Variants in UNC13C observed in about 807,000 individuals in gnomAD.
UNC13C encodes unc-13 homolog C.
In UNC13C, 174 loss-of-function variants were observed where a neutral mutation model predicts 245.4. That is an observed-to-expected ratio of 0.71 (90% CI 0.63 to 0.80). The LOEUF (loss-of-function observed/expected upper bound fraction) is 0.80, where lower values mean the gene tolerates loss of function less well. Among genes scored for constraint, UNC13C ranks in the 30% least tolerant of loss-of-function variants. The probability of loss-of-function intolerance (pLI) is 0.00; values close to 1 mark genes in which losing one functional copy is unlikely to be tolerated. For synonymous variants in UNC13C, 992 were observed against 895.1 expected (o/e 1.11, Z -1.93); for missense variants, 2,829 against 2,602.9 (o/e 1.09, Z -1.89).
chr15:54,266,680 C>T (rs1357297805), intron 10 of UNC13C, among the ~76,000 whole-genome samples: 1 of 151,952 alleles, frequency 6.6e-6, no homozygotes, highest in East Asian at 1.9e-4. Context: ...AAAATCTACA[C>T]ATTTAAAGTG....
At chr15:54,450,118 C>T (rs1891085943) in intron 19 of UNC13C, among the ~76,000 whole-genome samples, 2 of 152,132 alleles carry the variant, frequency 1.3e-5, no homozygotes, top group Admixed American at 6.5e-5. Flanking sequence ...GCTACCTGAT[C>T]GTTCCTCTGG....
chr15:54,289,039 T>C (rs2037223362), intron 10 of UNC13C, among the ~76,000 whole-genome samples: 1 of 152,150 alleles, frequency 6.6e-6, no homozygotes, highest in African/African-American at 2.4e-5. Context: ...ATTTTATCTA[T>C]TTCTGAAGTT....
intron 19 of UNC13C, among the ~76,000 whole-genome samples, chr15:54,481,995 C>CAG (rs1310897271): frequency 5.9e-5 from 9 of 152,176 alleles, no homozygotes; most frequent in African/African-American, 2.2e-4. Flanking sequence ...CTGTGAGGGG[C>CAG]AGGGTTGCTC....
chr15:54,164,670 A>T (rs116199419), intron 4 of UNC13C, among the ~76,000 whole-genome samples: 3,197 of 152,282 alleles, frequency 0.021, 101 homozygotes, highest in African/African-American at 0.074. Context: ...TCACTAAACA[A>T]TTATGGAATG....
chr15:54,348,507 A>G (rs895134480), intron 17 of UNC13C, among the ~76,000 whole-genome samples: 4 of 152,176 alleles, frequency 2.6e-5, no homozygotes, highest in African/African-American at 9.6e-5. Context: ...ATCAAAAAAC[A>G]TCTCTTTGTA....
intron 10 of UNC13C, among the ~76,000 whole-genome samples, chr15:54,292,555 A>T (rs920943260): frequency 1.3e-5 from 2 of 151,956 alleles, no homozygotes; most frequent in African/African-American, 2.4e-5. Flanking sequence ...TTAATGAAAG[A>T]GACATTATAC....
chr15:53,875,478 C>G, the UNC13C span, among the ~76,000 whole-genome samples: 25 of 152,060 alleles, frequency 1.6e-4, no homozygotes, highest in African/African-American at 5.6e-4. Flanking sequence ...AGGACAATAG[C>G]AGGAGGTTGC....
chr15:54,605,303 G>A lies in UNC13C; in HGVS notation c.6107-17024G>A, dbSNP rs116624702. 9.6e-3 allele frequency among the ~76,000 whole-genome samples: 1,462 copies of A among 152,248 alleles called. 24 individuals carry two copies. The highest frequency in any genetic ancestry group is 0.034 in the African/African-American group (1,421 of 41,546). ...GTAGAATCACTGAAACTGCTTTTAAGCTTAGCACTCTGAGCCAATCCCCAG... is the reference window on the plus strand; with the variant it reads ...GTAGAATCACTGAAACTGCTTTTAAACTTAGCACTCTGAGCCAATCCCCAG... On this transcript the variant is annotated intron_variant, in intron 30 of 32. Coordinates refer to ENST00000260323, the MANE Select transcript of UNC13C (RefSeq NM_001080534.3).
chr15:54,474,452 A>G (rs1430207615), intron 19 of UNC13C, among the ~76,000 whole-genome samples: 1 of 146,406 alleles, frequency 6.8e-6, no homozygotes, highest in Non-Finnish European at 1.5e-5. Flanking sequence ...TTCATATACC[A>G]GTTGGACATT....
At chr15:54,156,583 G>T (rs1368537828) in intron 4 of UNC13C, among the ~76,000 whole-genome samples, 3 of 152,050 alleles carry the variant, frequency 2.0e-5, no homozygotes, top group African/African-American at 7.3e-5. Context: ...AGTGTGGGAG[G>T]CACAAAGCTG....
At chr15:54,357,385 A>G (rs1349784195) in intron 17 of UNC13C, among the ~76,000 whole-genome samples, 3 of 151,980 alleles carry the variant, frequency 2.0e-5, no homozygotes, top group Non-Finnish European at 2.9e-5. Flanking sequence ...AAATATTCTT[A>G]TTTTCTTCCA....
intron 4 of UNC13C, among the ~76,000 whole-genome samples, chr15:54,208,132 G>A (rs2034772201): frequency 6.6e-6 from 1 of 152,004 alleles, no homozygotes; most frequent in African/African-American, 2.4e-5. Context: ...GACACATGGT[G>A]AGAGCAGGAA....
intron 4 of UNC13C, among the ~76,000 whole-genome samples, chr15:54,219,575 C>A (rs368074115): frequency 0.047 from 6,796 of 145,506 alleles, 299 homozygotes; most frequent in East Asian, 0.23. Flanking sequence ...AAAGCAATGG[C>A]AACAAAAGCC....
Position 54,327,997 on chromosome 15 carries a change from G to T in UNC13C, c.4426-4046G>T, listed in dbSNP as rs1017945690. On this transcript the variant is annotated intron_variant, in intron 14 of 32. Transcript: ENST00000260323. ...AACTTTTCTAAATAAAATGCTTTAAGAAAAGGGAGGTCGAGACCTAGAGTC... is the reference window on the plus strand; with the variant it reads ...AACTTTTCTAAATAAAATGCTTTAATAAAAGGGAGGTCGAGACCTAGAGTC... Among the ~76,000 whole-genome samples the T allele has an allele frequency of 5.3e-5, 8 of 152,072 alleles. No homozygotes were observed. The South Asian group carries it at 1.5e-3, about 28-fold the overall frequency.
chr15:54,171,219 G>C (rs541115784), intron 4 of UNC13C, among the ~76,000 whole-genome samples: 1 of 152,100 alleles, frequency 6.6e-6, no homozygotes, highest in South Asian at 2.1e-4. Context: ...AGTTTTGTCT[G>C]TTCTTGGCAA....
chr15:54,193,614 A>G (rs1421832992), intron 4 of UNC13C, among the ~76,000 whole-genome samples: 1 of 152,128 alleles, frequency 6.6e-6, no homozygotes, highest in Non-Finnish European at 1.5e-5. Flanking sequence ...CAACTCTGCC[A>G]TTCTGTTTTA....
intron 17 of UNC13C, among the ~76,000 whole-genome samples, chr15:54,385,190 G>T (rs745996867): frequency 6.6e-6 from 1 of 152,052 alleles, no homozygotes; most frequent in African/African-American, 2.4e-5. Context: ...GAAAGATATG[G>T]AATCAACCTA....
chr15:54,243,310 G>C (rs1208527983), intron 7 of UNC13C, among the ~76,000 whole-genome samples: 1 of 152,108 alleles, frequency 6.6e-6, no homozygotes, highest in Non-Finnish European at 1.5e-5. Flanking sequence ...CAAAGGACAT[G>C]ATCTAATTCC....
the UNC13C span, among the ~76,000 whole-genome samples, chr15:53,907,020 G>A: frequency 6.6e-6 from 1 of 152,152 alleles, no homozygotes; most frequent in Non-Finnish European, 1.5e-5. Context: ...ATAGCATGAG[G>A]ATTATAATTC....
Sources: gnomAD v4.1 joint callset for allele counts (sites outside exome capture counted in the v4.1 genomes callset) on GRCh38, gnomAD v4.1.1 for gene constraint, MANE v1.5 for transcripts, NCBI Gene and HGNC (gene_info 2026-07-23, HGNC 2026-07-21) for gene names.